The following BAZ2B variants were observed in gnomAD, a reference collection of about 807,000 sequenced individuals.
BAZ2B encodes bromodomain adjacent to zinc finger domain protein 2B.
In BAZ2B, 91 loss-of-function variants were observed where a neutral mutation model predicts 246.0. That is an observed-to-expected ratio of 0.37 (90% CI 0.31 to 0.44). The LOEUF (loss-of-function observed/expected upper bound fraction) is 0.44, where lower values mean the gene tolerates loss of function less well. Ranked by LOEUF, BAZ2B falls within the 20% of genes least tolerant of loss-of-function variation. The probability of loss-of-function intolerance (pLI) is 1.00; values close to 1 mark genes in which losing one functional copy is unlikely to be tolerated. For missense variants in BAZ2B, 2,332 were observed against 2,533.7 expected (o/e 0.92, Z 1.71); for synonymous variants, 855 against 860.0 (o/e 0.99, Z 0.10).
chr2:159,442,032 T>C (rs553303375), intron 6 of BAZ2B, among the ~76,000 whole-genome samples: 2 of 152,306 alleles, frequency 1.3e-5, no homozygotes, highest in East Asian at 3.9e-4. Context: ...ACACCAGCTC[T>C]GCCTAGTGAG....
chr2:159,696,523 T>C, the BAZ2B span, among the ~76,000 whole-genome samples: 1 of 152,128 alleles, frequency 6.6e-6, no homozygotes, highest in Non-Finnish European at 1.5e-5. Flanking sequence ...TTCCCTGTAG[T>C]CTCCTCTGAT....
rs115835424 is a variant in BAZ2B, at chr2:159,374,107, G to A, written c.4068+584C>T. On this transcript the variant is annotated intron_variant, in intron 26 of 36. Transcript: ENST00000392783. ...TTTTTTTTTTTAGAGACAGGGTCTC[G>A]CCATATTGCCCAGGCTTTTCTCAAA... Among the ~76,000 whole-genome samples the A allele has an allele frequency of 4.9e-3, 665 of 135,704 alleles. 5 individuals carry two copies. Among genetic ancestry groups the A allele is most frequent in the Middle Eastern group, 0.013 (3 of 236 alleles). The allele number at this position is 135,704 out of a possible 152,430, so 89.0% of individuals were successfully genotyped here.
intron 3 of BAZ2B, chr2:159,458,316 T>C (rs1161490474): frequency 6.6e-6 from 1 of 150,940 alleles, no homozygotes; most frequent in African/African-American, 2.5e-5. Context: ...TCCTTTCTTT[T>C]CTATTCTTTC....
intron 20 of BAZ2B, 65 bp from the exon 21 acceptor site, chr2:159,389,550 A>C: frequency 7.5e-7 from 1 of 1,339,568 alleles, no homozygotes; most frequent in Non-Finnish European, 9.9e-7. Flanking sequence ...TAAACTTAGA[A>C]TTATGTAGCA....
intron 13 of BAZ2B, among the ~76,000 whole-genome samples, chr2:159,414,597 T>G (rs975056217): frequency 3.3e-5 from 5 of 151,676 alleles, no homozygotes; most frequent in African/African-American, 1.2e-4. Flanking sequence ...CGGGTGGATC[T>G]CCTGAGGTCA....
chr2:159,336,875 A>G, intron 33 of BAZ2B, 67 bp downstream of exon 33: 1 of 1,335,470 alleles, frequency 7.5e-7, no homozygotes, highest in Non-Finnish European at 1.0e-6. Context: ...ATTAAGAAAG[A>G]TCTGGAGGTT....
intron 6 of BAZ2B, among the ~76,000 whole-genome samples, chr2:159,440,328 T>C (rs1341772398): frequency 6.6e-6 from 1 of 152,130 alleles, no homozygotes; most frequent in African/African-American, 2.4e-5. Context: ...TACATCCTTT[T>C]ATGACTACTC....
At chr2:159,409,415 C>T (rs1233452516) in intron 14 of BAZ2B, among the ~76,000 whole-genome samples, 2 of 152,168 alleles carry the variant, frequency 1.3e-5, no homozygotes, top group Non-Finnish European at 2.9e-5. Flanking sequence ...AGTCAATCAA[C>T]AAGCAGGTTT....
chr2:159,664,021 C>T, the BAZ2B span, among the ~76,000 whole-genome samples: 2 of 68,800 alleles, frequency 2.9e-5, no homozygotes, highest in Non-Finnish European at 5.8e-5. Context: ...TGCTATCCCT[C>T]CCCCCTCCCC....
intron 23 of BAZ2B, among the ~76,000 whole-genome samples, chr2:159,384,265 G>A (rs1039144536): frequency 6.6e-6 from 1 of 151,946 alleles, no homozygotes; most frequent in African/African-American, 2.4e-5. Flanking sequence ...GTGCCACTTA[G>A]CATTACTATT....
At position 159,350,298 on chromosome 2, in the gene BAZ2B, T is replaced by C; in HGVS notation, c.4273A>G (p.Lys1425Glu). 1.2e-6 allele frequency: 2 copies of C among 1,602,548 alleles called. No homozygotes were observed. The highest frequency in any genetic ancestry group is 1.7e-6 in the Non-Finnish European group (2 of 1,174,938). ...KLKKAESVQIKEEMFETSGDS... is the reference protein window; with the variant it reads ...KLKKAESVQIEEEMFETSGDS... ...CCAGAAGTCTCAAACATTTCTTCTT[T>C]GATCTGGACACTTTCTGCCTTTTTC... Residue 1425 changes from lysine to glutamate, a missense_variant, in exon 28 of 37, where the codon AAA (lysine) becomes GAA (glutamate). Transcript: ENST00000392783.
the BAZ2B span, among the ~76,000 whole-genome samples, chr2:159,673,369 G>A: frequency 3.4e-3 from 513 of 152,290 alleles, 1 homozygote; most frequent in African/African-American, 0.012. Flanking sequence ...CTCTGTTGGT[G>A]AGGCTGTGAG....
chr2:159,647,282 C>T, the BAZ2B span, among the ~76,000 whole-genome samples: 1 of 152,186 alleles, frequency 6.6e-6, no homozygotes, highest in Non-Finnish European at 1.5e-5. Context: ...TAGTTTAAGT[C>T]TGAAAGCTGG....
At chr2:159,393,408 C>T (rs2063583476) in intron 20 of BAZ2B, among the ~76,000 whole-genome samples, 1 of 152,176 alleles carries the variant, frequency 6.6e-6, no homozygotes, top group Non-Finnish European at 1.5e-5. Context: ...TACATATGCA[C>T]TTATTGGCTT....
intron 4 of BAZ2B, among the ~76,000 whole-genome samples, chr2:159,448,922 C>T (rs1223868246): frequency 6.6e-6 from 1 of 152,142 alleles, no homozygotes; most frequent in African/African-American, 2.4e-5. Context: ...AACTTCTATA[C>T]TTAAAGATAA....
chr2:159,602,697 C>T (rs1240443257), intron 1 of BAZ2B, among the ~76,000 whole-genome samples: 1 of 152,126 alleles, frequency 6.6e-6, no homozygotes, highest in Non-Finnish European at 1.5e-5. Context: ...GCCACATATA[C>T]AAACCAGTTA....
At chr2:159,629,653 G>A in the BAZ2B span, among the ~76,000 whole-genome samples, 2 of 151,446 alleles carry the variant, frequency 1.3e-5, no homozygotes, top group African/African-American at 4.9e-5. Context: ...CGAGGGGAAC[G>A]TCACACACTG....
intron 1 of BAZ2B, among the ~76,000 whole-genome samples, chr2:159,612,946 G>A (rs1200399697): frequency 6.6e-6 from 1 of 152,138 alleles, no homozygotes; most frequent in East Asian, 1.9e-4. Context: ...ACAGTCTTAT[G>A]TGCATTTTAA....
intron 1 of BAZ2B, among the ~76,000 whole-genome samples, chr2:159,588,233 C>T (rs796991652): frequency 8.1e-5 from 9 of 111,326 alleles, no homozygotes; most frequent in African/African-American, 2.7e-4. Context: ...AAAAAAAAAA[C>T]CCCTGCTTGC....
Sources: gnomAD v4.1 joint callset for allele counts (sites outside exome capture counted in the v4.1 genomes callset) on GRCh38, gnomAD v4.1.1 for gene constraint, MANE v1.5 for transcripts, NCBI Gene and HGNC (gene_info 2026-07-23, HGNC 2026-07-21) for gene names.